The following ZNF616 variants were observed in gnomAD, a reference collection of about 807,000 sequenced individuals.
ZNF616 encodes the protein zinc finger protein 616.
A neutral mutation model predicts 7.6 loss-of-function variants in ZNF616; 5 were observed. The observed-to-expected ratio is 0.66, with a 90% CI of 0.34 to 1.38. ZNF616 has a LOEUF of 1.38. Among genes scored for constraint, ZNF616 ranks in the 40% most tolerant of loss-of-function variants. ZNF616 has a pLI of 0.04. For synonymous variants in ZNF616, 319 were observed against 317.2 expected, an observed-to-expected ratio of 1.01 and a Z score of -0.06; for missense variants, 913 against 948.3, an observed-to-expected ratio of 0.96 and a Z score of 0.49.
At chr19:52,128,943 T>C in intron 2 of ZNF616, among the ~76,000 whole-genome samples, 1 of 151,112 alleles carries the variant, frequency 6.6e-6, no homozygotes, top group Admixed American at 6.6e-5. Flanking sequence ...CCAGAACAGC[T>C]AAAATCTCAT....
At chr19:52,117,130 C>G (rs934513734) in intron 3 of ZNF616, 106 bp from the exon 4 acceptor site, 2 of 966,436 alleles carry the variant, frequency 2.1e-6, no homozygotes, top group African/African-American at 3.4e-5. Flanking sequence ...TTATACTAGA[C>G]AGGTGTGAGA....
chr19:52,132,652 G>A (rs1050984616), intron 1 of ZNF616, among the ~76,000 whole-genome samples: 2 of 152,196 alleles, frequency 1.3e-5, no homozygotes, highest in African/African-American at 4.8e-5. Context: ...CGCCACGTGA[G>A]ACGCCTGTTC....
At chr19:52,131,587 G>T (rs1164958798) in intron 1 of ZNF616, among the ~76,000 whole-genome samples, 1 of 152,164 alleles carries the variant, frequency 6.6e-6, no homozygotes, top group Non-Finnish European at 1.5e-5. Flanking sequence ...TGCAATCCTA[G>T]AATCAGACAA....
chr19:52,135,278 C>T (rs765695791), intron 1 of ZNF616, among the ~76,000 whole-genome samples: 1 of 152,106 alleles, frequency 6.6e-6, no homozygotes, highest in African/African-American at 2.4e-5. Flanking sequence ...ACCTAATACA[C>T]ACAAAGATAC....
Position 52,115,015 on chromosome 19 carries a change from A to G in ZNF616, c.2149T>C (p.Tyr717His). Residue 717 changes from tyrosine to histidine, a missense_variant, in exon 4 of 4, where the codon TAC becomes CAC. By Grantham distance (83) the Tyr-to-His change is moderately conservative. Transcript: ENST00000600228. ...HQRIHTGEKRYKCIECGKAFG... is the reference protein window; with the variant it reads ...HQRIHTGEKRHKCIECGKAFG... ...GCTTTGCCACATTCAATACATTTGT[A>G]TCTTTTCTCTCCAGTGTGGATTCTC... 1 of 1,614,214 alleles carries G rather than the reference A, an allele frequency of 6.2e-7. No homozygotes were observed. The highest frequency in any genetic ancestry group is 8.5e-7 in the Non-Finnish European group (1 of 1,180,034).
In ZNF616 at chr19:52,122,781, C is replaced by T. The variant is rs554493917; in HGVS notation, c.139+1142G>A. On this transcript the variant is annotated intron_variant, in intron 3 of 3. Coordinates refer to ENST00000600228, the MANE Select transcript of ZNF616 (RefSeq NM_178523.5). ...TCCTGAGTAGCTGGGACTACAGGCG[C>T]CCACCGCCACACCCTGCTAATTTTT... Among the ~76,000 whole-genome samples the T allele has an allele frequency of 6.1e-4, 92 of 151,564 alleles. 2 individuals carry two copies. The highest frequency in any genetic ancestry group is 9.3e-4 in the Non-Finnish European group (63 of 67,860).
chr19:52,133,529 G>A (rs1204711997), intron 1 of ZNF616, among the ~76,000 whole-genome samples: 1 of 152,082 alleles, frequency 6.6e-6, no homozygotes, highest in Non-Finnish European at 1.5e-5. Flanking sequence ...GTTTTTGTGT[G>A]TGTGTGTGAG....
intron 3 of ZNF616, among the ~76,000 whole-genome samples, chr19:52,120,785 C>T (rs562471099): frequency 6.6e-6 from 1 of 152,190 alleles, no homozygotes; most frequent in African/African-American, 2.4e-5. Flanking sequence ...GTTATATATG[C>T]ACCTAATATT....
chr19:52,128,333 T>C (rs1256608574), intron 2 of ZNF616, among the ~76,000 whole-genome samples: 1 of 152,230 alleles, frequency 6.6e-6, no homozygotes, highest in African/African-American at 2.4e-5. Flanking sequence ...AAAATAATTT[T>C]CATTCTTTGC....
Position 52,115,230 on chromosome 19 carries a change from C to T in ZNF616, c.1934G>A (p.Arg645His), listed in dbSNP as rs115812880. ...CNQCGNSFSQ[R>H]VHLRLHQTVH... is the part of the protein sequence containing the mutation. ...AGTCTGATGAAGTCTAAGATGGACA[C>T]GCTGACTAAAGGAATTCCCACACTG... The change falls in exon 4 of 4, where the codon CGT becomes CAT. Residue 645 changes from arginine to histidine, a missense_variant. Transcript: ENST00000600228. 8,610 of 1,614,120 alleles carry T rather than the reference C, an allele frequency of 5.3e-3. 35 individuals are homozygous for T. The highest frequency in any genetic ancestry group is 6.3e-3 in the Non-Finnish European group (7,478 of 1,180,014).
Position 52,116,074 on chromosome 19 carries a change from G to T in ZNF616, c.1090C>A (p.His364Asn), listed in dbSNP as rs537981730. 3.7e-6 allele frequency: 6 copies of T among 1,614,082 alleles called. No individual in the cohort carries two copies. The East Asian group carries it at 1.3e-4, about 36-fold the overall frequency. ...CGGTGACATACAAGATTTGATCTATGTCTGAATGCCTTGCCACATACATCA... is the reference window on the plus strand; with the variant it reads ...CGGTGACATACAAGATTTGATCTATTTCTGAATGCCTTGCCACATACATCA... ...KCDVCGKAFRHRSNLVCHRRI... is the reference protein window; with the variant it reads ...KCDVCGKAFRNRSNLVCHRRI... Residue 364 changes from histidine (H) to asparagine (N), a missense_variant, in exon 4 of 4, where the codon CAT (histidine) becomes AAT (asparagine). His to Asn is a moderately conservative substitution (Grantham distance 68, BLOSUM62 1). Transcript: ENST00000600228.
Position 52,130,564 on chromosome 19 carries a change from C to G in ZNF616, c.-52G>C. On this transcript the variant is annotated 5_prime_UTR_variant, in exon 2 of 4. Transcript: ENST00000600228. ...TCCTCTTCTGGGTTTCTTTCTCAGT[C>G]AATGTAATTATTCACACATCAAACC... 6.3e-7 allele frequency: 1 copy of G among 1,588,542 alleles called. No homozygotes were observed.
chr19:52,120,341 A>G (rs2088855996), intron 3 of ZNF616, among the ~76,000 whole-genome samples: 1 of 152,256 alleles, frequency 6.6e-6, no homozygotes, highest in Non-Finnish European at 1.5e-5. Flanking sequence ...CAATGGAAAT[A>G]AAAGTATGTC....
At chr19:52,124,280 C>A (rs759395476) in intron 2 of ZNF616, among the ~76,000 whole-genome samples, 2 of 152,120 alleles carry the variant, frequency 1.3e-5, no homozygotes, top group Admixed American at 1.3e-4. Flanking sequence ...ACAAGAAATA[C>A]ACAAATAAGA....
intron 3 of ZNF616, among the ~76,000 whole-genome samples, chr19:52,118,500 G>A (rs745357982): frequency 4.6e-5 from 7 of 152,210 alleles, no homozygotes; most frequent in Admixed American, 2.0e-4. Context: ...GAGGCAATTC[G>A]GTCCTCTGCC....
chr19:52,122,570 T>C (rs930544547), intron 3 of ZNF616: 5 of 151,712 alleles, frequency 3.3e-5, no homozygotes, highest in Admixed American at 3.3e-4. Flanking sequence ...AGTAACTATA[T>C]TAAAAAAATA....
rs773778283 is a variant in ZNF616, at chr19:52,115,244, A to G, written c.1920T>C (p.Asn640=). The G allele has an allele frequency of 1.9e-6, 3 of 1,613,950 alleles. No individual in the cohort carries two copies. In the African/African-American group the frequency reaches 4.0e-5, roughly 22 times the overall value. The change falls in exon 4 of 4, where the codon AAT becomes AAC. Residue 640 remains asparagine, a synonymous_variant. Transcript: ENST00000600228. ...EKPYKCNQCG[N]SFSQRVHLRL... ...TAAGATGGACACGCTGACTAAAGGA[A>G]TTCCCACACTGATTGCATTTGTAAG...
rs779774235 is a variant in ZNF616 at position 52,115,784 on chromosome 19, G to A, written c.1380C>T (p.Thr460=). The change falls in exon 4 of 4, where the codon ACC becomes ACT. Residue 460 remains threonine, a synonymous_variant. Coordinates refer to ENST00000600228, the MANE Select transcript of ZNF616 (RefSeq NM_178523.5). ...SHLAVHWRIH[T]GEKAYKCNEC... ...CATTGCATTTATAAGCTTTCTCGCC[G>A]GTATGAATTCTCCAATGCACTGCAA... 24 of 1,606,896 alleles carry A rather than the reference G, an allele frequency of 1.5e-5. No homozygotes were observed. Among genetic ancestry groups the A allele is most frequent in the South Asian group, 6.7e-5 (6 of 89,596 alleles).
Position 52,116,451 on chromosome 19 carries a change from C to T in ZNF616, c.713G>A (p.Gly238Glu). 1 of 1,613,816 alleles carries T rather than the reference C, an allele frequency of 6.2e-7. No homozygotes were observed. Among genetic ancestry groups the T allele is most frequent in the Non-Finnish European group, 8.5e-7 (1 of 1,179,930 alleles). The change falls in exon 4 of 4, where the codon GGG (glycine) becomes GAG (glutamate). Residue 238 changes from glycine to glutamate, a missense_variant. By Grantham distance (98) the Gly-to-Glu change is moderately conservative (BLOSUM62 -2). Transcript: ENST00000600228. The stretch of plus-strand genomic sequence containing the variant: ...ACATACATCACATTGATATGATTTC[C>T]CTCTTGTATGGACTACCTTGTGTAC... ...LTVHKVVHTR[G>E]KSYQCDVCGK...
Sources: gnomAD v4.1 joint callset for allele counts (sites outside exome capture counted in the v4.1 genomes callset) on GRCh38, gnomAD v4.1.1 for gene constraint, MANE v1.5 for transcripts, NCBI Gene and HGNC (gene_info 2026-07-23, HGNC 2026-07-21) for gene names.